The following MTMR9 variants were observed in gnomAD, a reference collection of about 807,000 sequenced individuals.
MTMR9 encodes the protein myotubularin related protein 9, also known as myotubularin-related protein 9.
Under a neutral mutation model 69.5 loss-of-function variants are expected in MTMR9, and 39 were observed. The observed-to-expected ratio is 0.56, with a 90% CI of 0.43 to 0.73. The LOEUF is 0.73. MTMR9 is among the 30% of genes least tolerant of loss of function. The probability of loss-of-function intolerance (pLI) is 0.00; values close to 1 mark genes in which losing one functional copy is unlikely to be tolerated. For missense variants in MTMR9, 900 were observed against 671.2 expected (o/e 1.34, Z -3.77); for synonymous variants, 354 against 240.8 (o/e 1.47, Z -4.35).
chr8:11,314,875 C>G (rs377288588), intron 6 of MTMR9, 48 bp from the exon 7 acceptor site: 2 of 1,581,536 alleles, frequency 1.3e-6, no homozygotes, highest in African/African-American at 2.7e-5. Context: ...AGTTCATTGA[C>G]CATGTTGGAC....
chr8:11,298,952 G>A (rs1799656246), intron 2 of MTMR9: 1 of 826,656 alleles, frequency 1.2e-6, no homozygotes, highest in Non-Finnish European at 1.5e-6. Flanking sequence ...AAAATATGAT[G>A]ATACATGACC....
At position 11,317,534 on chromosome 8, in the gene MTMR9, A is replaced by G. The variant is rs544659967; in HGVS notation, c.1334+641A>G. On this transcript the variant is annotated intron_variant, in intron 8 of 9. Coordinates refer to ENST00000221086, the MANE Select transcript of MTMR9 (RefSeq NM_015458.4). The stretch of plus-strand genomic sequence containing the variant: ...TCTGAGAATCTGATGCTGATCTGAC[A>G]GGAGGTGGAAATACGCGCTCATCTG... 160 of 152,246 alleles carry G rather than the reference A, an allele frequency of 1.1e-3. 1 individual carries two copies. The highest frequency in any genetic ancestry group is 3.3e-3 in the African/African-American group (137 of 41,536). 9.4% of individuals were successfully genotyped at this position (152,246 alleles called of 1,614,324 possible).
chr8:11,289,668 AATAG>A (rs1270010388), intron 1 of MTMR9, among the ~76,000 whole-genome samples: 3 of 152,156 alleles, frequency 2.0e-5, no homozygotes, highest in African/African-American at 4.8e-5. Flanking sequence ...GTTGCTATAA[AATAG>A]ATAGCACTAT....
At position 11,309,412 on chromosome 8, in the gene MTMR9, A is replaced by C. The variant is rs986258206; in HGVS notation, c.810-115A>C. On this transcript the variant is annotated intron_variant, in intron 5 of 9. Coordinates refer to ENST00000221086, the MANE Select transcript of MTMR9 (RefSeq NM_015458.4). ...AAATTATAGCAGGGTAAATATTTTT[A>C]TAGTATTTTGAACTACTTTTGCTCT... 5.0e-6 allele frequency: 4 copies of C among 793,724 alleles called. No homozygotes were observed. In the East Asian group the frequency reaches 1.1e-4, roughly 21 times the overall value. The allele number at this position is 793,724 out of a possible 1,614,324, so 49.2% of individuals were successfully genotyped here.
In MTMR9 at chr8:11,300,064, C is replaced by G. The variant is rs762724121; in HGVS notation, c.333C>G (p.Phe111Leu). 10 of 1,613,550 alleles carry G rather than the reference C, an allele frequency of 6.2e-6. No homozygotes were observed. The highest frequency in any genetic ancestry group is 3.3e-5 in the Admixed American group (2 of 59,990). ...TLDSITLMYPFFYRPMFEVIE... is the reference protein window; with the variant it reads ...TLDSITLMYPLFYRPMFEVIE... ...ACTCCATCACTCTGATGTACCCTTTCTTTTACCGTCCTATGTTTGAAGTGA... is the reference window on the plus strand; with the variant it reads ...ACTCCATCACTCTGATGTACCCTTTGTTTTACCGTCCTATGTTTGAAGTGA... The change falls in exon 3 of 10, where the codon TTC becomes TTG. Residue 111 changes from phenylalanine to leucine, a missense_variant. Physicochemically the swap from Phe to Leu is conservative, Grantham distance 22. Transcript: ENST00000221086.
Position 11,323,973 on chromosome 8 carries a change from T to A in MTMR9, c.*1185T>A, listed in dbSNP as rs1345239630. On this transcript the variant is annotated 3_prime_UTR_variant, in exon 10 of 10. Coordinates refer to ENST00000221086, the MANE Select transcript of MTMR9 (RefSeq NM_015458.4). The stretch of plus-strand genomic sequence containing the variant: ...TGACTATTCATGCTCTGCTAGTCTA[T>A]GCCTGCAACTCCAAATGTTTGTGGT... 1 of 152,238 alleles carries A rather than the reference T, an allele frequency of 6.6e-6. No individual in the cohort carries two copies. The highest frequency in any genetic ancestry group is 2.4e-5 in the African/African-American group (1 of 41,458). 9.4% of individuals were successfully genotyped at this position (152,238 alleles called of 1,614,324 possible). A position where few individuals can be genotyped will look rare whatever the true frequency, so the allele number is the denominator to read the frequency against.
intron 6 of MTMR9, 24 bp from the exon 7 acceptor site, chr8:11,314,899 A>C: frequency 6.2e-7 from 1 of 1,610,034 alleles, no homozygotes; most frequent in Non-Finnish European, 8.5e-7. Context: ...TCCCATTTGT[A>C]CTCTTCCCTG....
chr8:11,316,421 G>A (rs1454439502), intron 7 of MTMR9: 2 of 331,230 alleles, frequency 6.0e-6, no homozygotes, highest in East Asian at 5.0e-5. Context: ...ATATTCCAAG[G>A]GCAGTGCAGT....
At chr8:11,316,179 T>A (rs546278969) in intron 7 of MTMR9, 1 of 152,312 alleles carries the variant, frequency 6.6e-6, no homozygotes, top group African/African-American at 2.4e-5. Context: ...TCGTATATAA[T>A]TAGAGATTTA....
rs142561354 is a variant in MTMR9, at chr8:11,325,108, T to G, written c.*2320T>G. 2.6e-5 allele frequency: 4 copies of G among 152,366 alleles called. No individual in the cohort carries two copies. Among genetic ancestry groups the G allele is most frequent in the African/African-American group, 9.6e-5 (4 of 41,592 alleles). The allele number at this position is 152,366 out of a possible 1,614,324, so 9.4% of individuals were successfully genotyped here. A position where few individuals can be genotyped will look rare whatever the true frequency, so the allele number is the denominator to read the frequency against. On this transcript the variant is annotated 3_prime_UTR_variant, in exon 10 of 10. Coordinates refer to ENST00000221086, the MANE Select transcript of MTMR9 (RefSeq NM_015458.4). ...TATACTGTTTTGGCAAGTTTGCATT[T>G]TAGTATTAATTTATAATTAGGGATT...
At chr8:11,286,510 CA>C (rs1261049615) in intron 1 of MTMR9, among the ~76,000 whole-genome samples, 1 of 151,402 alleles carries the variant, frequency 6.6e-6, no homozygotes, top group South Asian at 2.1e-4. Context: ...ACTAAAAATA[CA>C]AAAAATTAAC....
chr8:11,322,493 A>G, intron 9 of MTMR9, 132 bp from the exon 10 acceptor site: 1 of 679,634 alleles, frequency 1.5e-6, no homozygotes, highest in Middle Eastern at 4.3e-4. Context: ...GTATAATAAA[A>G]TACAGATGTG....
intron 2 of MTMR9, among the ~76,000 whole-genome samples, chr8:11,299,660 C>T (rs899166706): frequency 2.0e-5 from 3 of 152,212 alleles, no homozygotes; most frequent in Non-Finnish European, 4.4e-5. Flanking sequence ...CAAGACCTTA[C>T]TGACTAGCCA....
chr8:11,287,517 A>T (rs1172015080), intron 1 of MTMR9, among the ~76,000 whole-genome samples: 1 of 151,532 alleles, frequency 6.6e-6, no homozygotes, highest in African/African-American at 2.4e-5. Flanking sequence ...GAGTTTGTTA[A>T]ATTGCTGCTT....
chr8:11,331,359 C>G (rs1801215926), downstream of MTMR9: 1 of 1,614,016 alleles, frequency 6.2e-7, no homozygotes. Context: ...CCCTATTGCC[C>G]TGCTACTTAA....
chr8:11,335,273 G>C, the MTMR9 span, among the ~76,000 whole-genome samples: 1 of 152,266 alleles, frequency 6.6e-6, no homozygotes, highest in Admixed American at 6.5e-5. Context: ...CTATCTGTCA[G>C]CAATGAACAA....
intron 5 of MTMR9, among the ~76,000 whole-genome samples, chr8:11,308,293 C>G (rs772116630): frequency 6.6e-6 from 1 of 152,174 alleles, no homozygotes; most frequent in Non-Finnish European, 1.5e-5. Context: ...ATGGGAGAAG[C>G]TCCTTTCCCC....
intron 5 of MTMR9, 87 bp from the exon 6 acceptor site, chr8:11,309,440 G>C: frequency 8.7e-7 from 1 of 1,152,084 alleles, no homozygotes; most frequent in Non-Finnish European, 1.2e-6. Context: ...TTTGCTCTTA[G>C]ATATGTTGGA....
chr8:11,330,855 C>T (rs1304468626), downstream of MTMR9: 1 of 632,586 alleles, frequency 1.6e-6, no homozygotes, highest in African/African-American at 1.9e-5. Context: ...CTTCCCTCCA[C>T]TATTGTCCTA....
Sources: allele counts gnomAD v4.1 joint callset (sites outside exome capture counted in the v4.1 genomes callset), GRCh38; gene constraint gnomAD v4.1.1; transcripts MANE v1.5; gene names NCBI Gene and HGNC (gene_info 2026-07-23, HGNC 2026-07-21).